Variants in TRPS1 observed in about 807,000 individuals in gnomAD.
TRPS1 encodes the protein transcriptional repressor GATA binding 1.
TRPS1 carries 6 observed loss-of-function variants against 101.2 expected under a neutral mutation model. The observed-to-expected ratio is 0.06, with a 90% confidence interval of 0.03 to 0.12. The LOEUF (loss-of-function observed/expected upper bound fraction) is 0.12. Among genes scored for constraint, TRPS1 ranks in the 10% least tolerant of loss-of-function variants. TRPS1 has a pLI of 1.00. For missense variants in TRPS1, 1,363 were observed against 1,567.0 expected, an observed-to-expected ratio of 0.87 and a Z score of 2.20; for synonymous variants, 578 against 589.8, an observed-to-expected ratio of 0.98 and a Z score of 0.29.
At chr8:115,492,041 AAACT>A (rs1211885288) in intron 5 of TRPS1, 3 of 372,848 alleles carry the variant, frequency 8.0e-6, no homozygotes, top group Non-Finnish European at 1.6e-5. Flanking sequence ...TTTTAATTTC[AAACT>A]AACTCTCACT....
At chr8:115,587,820 T>C (rs1293135763) in intron 4 of TRPS1, among the ~76,000 whole-genome samples, 1 of 126,368 alleles carries the variant, frequency 7.9e-6, no homozygotes, top group African/African-American at 3.2e-5. Context: ...TTAGCAGTAA[T>C]AGGTATAACA....
rs4027183 is a variant in TRPS1 at position 115,435,998 on chromosome 8, T to TCACACACACACA, written c.2701-17558_2701-17547dup. ...TCTAAATGCTACAACAAATGAGAAA[T>TCACACACACACA]CACACACACACACACACACACACAC... On this transcript the variant is annotated intron_variant, in intron 5 of 6. Coordinates refer to ENST00000395715, the MANE Select transcript of TRPS1 (RefSeq NM_014112.5). Among the ~76,000 whole-genome samples, 423 of 134,068 alleles carry TCACACACACACA rather than the reference T, an allele frequency of 3.2e-3. 4 individuals carry two copies. Among genetic ancestry groups the TCACACACACACA allele is most frequent in the African/African-American group, 9.1e-3 (314 of 34,546 alleles). The allele number at this position is 134,068 out of a possible 152,430, so 88.0% of individuals were successfully genotyped here.
intron 3 of TRPS1, among the ~76,000 whole-genome samples, chr8:115,609,699 T>C (rs1175250639): frequency 6.6e-6 from 1 of 152,184 alleles, no homozygotes; most frequent in Non-Finnish European, 1.5e-5. Flanking sequence ...TAAAAACACC[T>C]AAAACAATTA....
rs535476419 is a variant in TRPS1 at position 115,493,067 on chromosome 8, C to T, written c.2701-74615G>A. On this transcript the variant is annotated intron_variant, in intron 5 of 6. Coordinates refer to ENST00000395715, the MANE Select transcript of TRPS1 (RefSeq NM_014112.5). Reference sequence around the variant, plus strand: ...AGGGGTAAGATACTTTTTTAAAAGACTGGTCAAGTCTGTAAGTTCTTCTTG... The same window carrying T: ...AGGGGTAAGATACTTTTTTAAAAGATTGGTCAAGTCTGTAAGTTCTTCTTG... Among the ~76,000 whole-genome samples, 5 of 152,126 alleles carry T rather than the reference C, an allele frequency of 3.3e-5. No individual in the cohort carries two copies. The East Asian group carries it at 9.7e-4, about 30-fold the overall frequency.
intron 2 of TRPS1, among the ~76,000 whole-genome samples, chr8:115,621,602 A>G (rs1426181935): frequency 6.6e-6 from 1 of 152,214 alleles, no homozygotes; most frequent in Non-Finnish European, 1.5e-5. Flanking sequence ...AATGTGAAAA[A>G]TAGCATAATG....
chr8:115,417,663 A>C (rs534208972), intron 6 of TRPS1, among the ~76,000 whole-genome samples: 1 of 152,328 alleles, frequency 6.6e-6, no homozygotes, highest in Non-Finnish European at 1.5e-5. Context: ...AAAGTAATTC[A>C]AAGAACCTCC....
chr8:115,505,754 T>C (rs192318501), intron 5 of TRPS1, among the ~76,000 whole-genome samples: 1 of 152,258 alleles, frequency 6.6e-6, no homozygotes, highest in East Asian at 1.9e-4. Flanking sequence ...CTCATGAGCT[T>C]TTTGTTTACC....
At chr8:115,517,276 CT>C (rs1815736786) in intron 5 of TRPS1, among the ~76,000 whole-genome samples, 1 of 151,618 alleles carries the variant, frequency 6.6e-6, no homozygotes, top group Non-Finnish European at 1.5e-5. Context: ...AAAAGCTTCA[CT>C]TTTAACAAGC....
At position 115,461,763 on chromosome 8, in the gene TRPS1, A is replaced by G. The variant is rs184326337; in HGVS notation, c.2701-43311T>C. On this transcript the variant is annotated intron_variant, in intron 5 of 6. Transcript: ENST00000395715. ...TCTAAAAACCTCATCTAGGAGTAAA[A>G]ATCAGACTATTTTTGTTTCAAGCTA... is the stretch of plus-strand genomic sequence containing the variant. Among the ~76,000 whole-genome samples the G allele has an allele frequency of 5.2e-4, 79 of 152,298 alleles. No homozygotes were observed. The East Asian group carries it at 0.015, about 28-fold the overall frequency.
intron 5 of TRPS1, among the ~76,000 whole-genome samples, chr8:115,522,602 G>A (rs969913575): frequency 2.0e-5 from 3 of 151,984 alleles, no homozygotes; most frequent in African/African-American, 4.8e-5. Context: ...AGAAAATAAT[G>A]AGCCTGAAAG....
intron 4 of TRPS1, among the ~76,000 whole-genome samples, chr8:115,600,117 T>C (rs1463205537): frequency 6.6e-6 from 1 of 152,206 alleles, no homozygotes. Flanking sequence ...ATATGTTTAT[T>C]GGCCGCATAA....
At chr8:115,489,183 T>C (rs1441873470) in intron 5 of TRPS1, among the ~76,000 whole-genome samples, 1 of 152,168 alleles carries the variant, frequency 6.6e-6, no homozygotes, top group Non-Finnish European at 1.5e-5. Context: ...CTTAGAAACA[T>C]ACACTATATG....
At position 115,620,182 on chromosome 8, in the gene TRPS1, GAA is replaced by G. The variant is rs10589819; in HGVS notation, c.38-124_38-123del. 0.54 allele frequency: 372,796 copies of G among 688,006 alleles called. 84,286 individuals carry two copies. Among genetic ancestry groups the G allele is most frequent in the East Asian group, 0.67 (21,185 of 31,604 alleles). 42.6% of individuals were successfully genotyped at this position (688,006 alleles called of 1,614,324 possible). ...GTGCATAATCAAATGCTTCCTCTAG[GAA>G]AAAAAAAAAAACCCATTCTAAAAAC... On this transcript the variant is annotated intron_variant, in intron 2 of 6. Coordinates refer to ENST00000395715, the MANE Select transcript of TRPS1 (RefSeq NM_014112.5).
In TRPS1 at chr8:115,643,489, T is replaced by C. The variant is rs545678359; in HGVS notation, c.-121-19731A>G. ...AGAAACCACTTTCTTTGCTTATCTT[T>C]AAGAAAAAGCAACACCTCATCCATT... On this transcript the variant is annotated intron_variant, in intron 1 of 6. Coordinates refer to ENST00000395715, the MANE Select transcript of TRPS1 (RefSeq NM_014112.5). 2.6e-5 allele frequency among the ~76,000 whole-genome samples: 4 copies of C among 152,342 alleles called. No homozygotes were observed. The East Asian group carries it at 7.7e-4, about 29-fold the overall frequency.
intron 5 of TRPS1, among the ~76,000 whole-genome samples, chr8:115,544,439 T>C (rs953982300): frequency 6.6e-6 from 1 of 152,026 alleles, no homozygotes; most frequent in African/African-American, 2.4e-5. Context: ...ATCTAAGTCC[T>C]GTACCTCCCT....
intron 5 of TRPS1, among the ~76,000 whole-genome samples, chr8:115,557,662 C>T (rs1444276919): frequency 1.3e-5 from 2 of 152,266 alleles, no homozygotes; most frequent in South Asian, 4.1e-4. Context: ...AAGGCCTTCC[C>T]AGCCATAAAG....
chr8:115,417,218 T>A (rs1250192818), intron 6 of TRPS1, among the ~76,000 whole-genome samples: 1 of 152,140 alleles, frequency 6.6e-6, no homozygotes, highest in Non-Finnish European at 1.5e-5. Context: ...CTTATTGCTA[T>A]GCTTAAATGG....
At chr8:115,578,163 T>G (rs1336048467) in intron 5 of TRPS1, among the ~76,000 whole-genome samples, 3 of 152,216 alleles carry the variant, frequency 2.0e-5, no homozygotes, top group Admixed American at 2.0e-4. Flanking sequence ...ATTCCATATA[T>G]GTGATAAAAT....
Position 115,414,019 on chromosome 8 carries a change from G to A in TRPS1, c.*4C>T. 6.2e-7 allele frequency: 1 copy of A among 1,613,192 alleles called. No homozygotes were observed. The highest frequency in any genetic ancestry group is 8.5e-7 in the Non-Finnish European group (1 of 1,179,576). ...TCTATTTAATTGTGCTAAGTGCTAA[G>A]GTTTTACTCTTTAGGTTTTCCATTT... On this transcript the variant is annotated 3_prime_UTR_variant, in exon 7 of 7. Transcript: ENST00000395715. This position sits in a 1 kb window ranked among gnomAD's most constrained non-coding sequence, Gnocchi z 4.8.
Sources: allele counts gnomAD v4.1 joint callset (sites outside exome capture counted in the v4.1 genomes callset), GRCh38; gene constraint gnomAD v4.1.1; non-coding constraint Gnocchi (gnomAD v3.1); transcripts MANE v1.5; gene names NCBI Gene and HGNC (gene_info 2026-07-23, HGNC 2026-07-21).